Variants in C12orf42 observed in about 807,000 individuals in gnomAD.
C12orf42 encodes the protein uncharacterized protein C12orf42.
C12orf42 carries 25 observed loss-of-function variants against 21.6 expected under a neutral mutation model. That is an observed-to-expected ratio of 1.16 (90% confidence interval 0.84 to 1.62). C12orf42 has a LOEUF of 1.62. C12orf42 is among the 40% of genes most tolerant of loss of function. The pLI is 0.00. For missense variants in C12orf42, 483 were observed against 459.3 expected, an observed-to-expected ratio of 1.05 and a Z score of -0.47; for synonymous variants, 174 against 175.0, an observed-to-expected ratio of 0.99 and a Z score of 0.05.
the C12orf42 span, among the ~76,000 whole-genome samples, chr12:103,223,015 T>C: frequency 6.6e-6 from 1 of 152,104 alleles, no homozygotes; most frequent in Admixed American, 6.5e-5. Flanking sequence ...CATTCATTGA[T>C]TTCTTTATTC....
chr12:103,302,640 G>T, intron 5 of C12orf42, 81 bp from the exon 6 acceptor site: 1 of 1,156,054 alleles, frequency 8.7e-7, no homozygotes, highest in Non-Finnish European at 1.2e-6. Context: ...ACAACTGGAC[G>T]TCTGAGAAAT....
At chr12:103,221,061 C>G in the C12orf42 span, among the ~76,000 whole-genome samples, 1 of 152,210 alleles carries the variant, frequency 6.6e-6, no homozygotes, top group Non-Finnish European at 1.5e-5. Context: ...GTTTTAACAT[C>G]TTCAGCAACA....
chr12:103,191,709 C>A, the C12orf42 span, among the ~76,000 whole-genome samples: 1 of 144,846 alleles, frequency 6.9e-6, no homozygotes, highest in African/African-American at 2.6e-5. Flanking sequence ...CACCACTGTA[C>A]CCCAGCTTGT....
the C12orf42 span, among the ~76,000 whole-genome samples, chr12:103,109,690 A>T: frequency 6.6e-6 from 1 of 151,022 alleles, no homozygotes; most frequent in Non-Finnish European, 1.5e-5. Context: ...CTGATTAGAA[A>T]TGGCACTACA....
chr12:103,481,097 A>T (rs917354585), intron 1 of C12orf42, among the ~76,000 whole-genome samples: 5 of 151,800 alleles, frequency 3.3e-5, no homozygotes, highest in Admixed American at 3.3e-4. Context: ...CTTCTTAATA[A>T]ATCATTTTAT....
downstream of C12orf42, among the ~76,000 whole-genome samples, chr12:103,297,043 G>A (rs1213059953): frequency 3.3e-5 from 5 of 152,178 alleles, no homozygotes; most frequent in Admixed American, 2.6e-4. Context: ...TGTATAAGGT[G>A]TAAGGAAGGG....
intron 2 of C12orf42, among the ~76,000 whole-genome samples, chr12:103,464,142 A>G (rs1952934956): frequency 6.6e-6 from 1 of 152,184 alleles, no homozygotes; most frequent in African/African-American, 2.4e-5. Flanking sequence ...TCTTTGAGGA[A>G]TCACCACACT....
At chr12:103,169,603 T>C in the C12orf42 span, among the ~76,000 whole-genome samples, 606 of 152,286 alleles carry the variant, frequency 4.0e-3, 7 homozygotes, top group African/African-American at 0.014. Context: ...TTAAACACAA[T>C]GCATTACTTT....
chr12:103,293,503 CA>C (rs1370348980), intron 4 of C12orf42, among the ~76,000 whole-genome samples: 1 of 152,128 alleles, frequency 6.6e-6, no homozygotes, highest in African/African-American at 2.4e-5. Context: ...ACTCCAAAAT[CA>C]AGTTCAAATT....
intron 4 of C12orf42, among the ~76,000 whole-genome samples, chr12:103,296,796 C>G (rs546418555): frequency 6.6e-6 from 1 of 152,036 alleles, no homozygotes; most frequent in Non-Finnish European, 1.5e-5. Context: ...AAATTTTATC[C>G]CATTCTGTAG....
the C12orf42 span, among the ~76,000 whole-genome samples, chr12:103,084,870 T>C: frequency 6.6e-6 from 1 of 152,330 alleles, no homozygotes; most frequent in East Asian, 1.9e-4. Context: ...GACATATATG[T>C]GGTGCCCTGG....
chr12:103,168,407 A>G, the C12orf42 span: 7 of 223,530 alleles, frequency 3.1e-5, no homozygotes, highest in African/African-American at 4.7e-5. Context: ...AGATAAAGTA[A>G]CTTTCCTGAG....
chr12:103,236,233 A>G (rs1276386817), downstream of C12orf42, among the ~76,000 whole-genome samples: 1 of 152,210 alleles, frequency 6.6e-6, no homozygotes, highest in Admixed American at 6.6e-5. Context: ...TCAGAATGCT[A>G]TGTTAACACT....
the C12orf42 span, among the ~76,000 whole-genome samples, chr12:103,061,605 GC>G: frequency 6.6e-6 from 1 of 151,170 alleles, no homozygotes; most frequent in African/African-American, 2.4e-5. Context: ...TGGCAGACTG[GC>G]CCTTTTATTA....
intron 4 of C12orf42, among the ~76,000 whole-genome samples, chr12:103,307,446 C>T (rs1049263821): frequency 2.0e-5 from 3 of 152,130 alleles, no homozygotes; most frequent in Admixed American, 1.3e-4. Flanking sequence ...AACTGACAGC[C>T]TACTGTGTCA....
chr12:103,077,230 A>G, the C12orf42 span, among the ~76,000 whole-genome samples: 1 of 152,244 alleles, frequency 6.6e-6, no homozygotes, highest in East Asian at 1.9e-4. Context: ...TTGAATTTAA[A>G]TTGCTAGTTG....
intron 2 of C12orf42, among the ~76,000 whole-genome samples, chr12:103,403,599 C>T (rs865872541): frequency 1.7e-4 from 26 of 152,286 alleles, no homozygotes; most frequent in African/African-American, 6.3e-4. Flanking sequence ...GTTGGATTAT[C>T]AGCATACATG....
At chr12:103,443,703 G>A (rs1486350700) in intron 2 of C12orf42, among the ~76,000 whole-genome samples, 1 of 152,074 alleles carries the variant, frequency 6.6e-6, no homozygotes, top group East Asian at 1.9e-4. Context: ...GCTTGGCAGT[G>A]TTTTTCTCCA....
At chr12:103,509,865 G>T in the C12orf42 span, among the ~76,000 whole-genome samples, 1 of 152,176 alleles carries the variant, frequency 6.6e-6, no homozygotes, top group Non-Finnish European at 1.5e-5. Flanking sequence ...ATAGATGTTG[G>T]CAGGGATGCG....
Sources: allele counts gnomAD v4.1 joint callset (sites outside exome capture counted in the v4.1 genomes callset), GRCh38; gene constraint gnomAD v4.1.1; transcripts MANE v1.5; gene names NCBI Gene and HGNC (gene_info 2026-07-23, HGNC 2026-07-21).